The following SKIC3 variants were observed in gnomAD, a reference collection of about 807,000 sequenced individuals.
SKIC3 encodes the protein superkiller complex protein 3.
At chr5:95,500,941 G>A in the SKIC3 span, among the ~76,000 whole-genome samples, 4 of 152,036 alleles carry the variant, frequency 2.6e-5, no homozygotes, top group African/African-American at 9.7e-5. Context: ...TGACAAACAA[G>A]TATCAAATCA....
At chr5:95,543,735 T>C in the SKIC3 span, among the ~76,000 whole-genome samples, 13 of 152,318 alleles carry the variant, frequency 8.5e-5, 1 homozygote, top group African/African-American at 2.9e-4. Context: ...TTCACCATGA[T>C]AGTTTCCCCA....
chr5:95,529,261 C>A, the SKIC3 span: 1 of 719,384 alleles, frequency 1.4e-6, no homozygotes, highest in Non-Finnish European at 2.5e-6. Flanking sequence ...TCATTCCCCA[C>A]CATACATTTT....
chr5:95,472,228 G>A, the SKIC3 span, among the ~76,000 whole-genome samples: 6 of 152,142 alleles, frequency 3.9e-5, no homozygotes, highest in African/African-American at 1.4e-4. Context: ...AACTCTGAGA[G>A]TGTTGCTAAT....
the SKIC3 span, among the ~76,000 whole-genome samples, chr5:95,496,103 C>T: frequency 3.3e-5 from 5 of 151,844 alleles, no homozygotes; most frequent in African/African-American, 9.7e-5. Context: ...CTGCAACCTC[C>T]GCCTCCCGGG....
At chr5:95,529,205 C>T in the SKIC3 span, 1 of 912,320 alleles carries the variant, frequency 1.1e-6, no homozygotes, top group Non-Finnish European at 1.8e-6. Context: ...CTCTTCATCT[C>T]TCATATCTCA....
the SKIC3 span, chr5:95,497,401 G>T: frequency 3.1e-6 from 5 of 1,605,138 alleles, no homozygotes; most frequent in African/African-American, 2.7e-5. Flanking sequence ...GCTAGAATTT[G>T]AAACGTTACT....
chr5:95,523,131 C>T, the SKIC3 span: 5 of 1,582,648 alleles, frequency 3.2e-6, no homozygotes, highest in Non-Finnish European at 4.3e-6. Context: ...TGGTAAGAGA[C>T]AATTAAAATG....
At chr5:95,494,782 C>G in the SKIC3 span, 10 of 1,613,508 alleles carry the variant, frequency 6.2e-6, no homozygotes, top group Admixed American at 5.0e-5. Context: ...CCGCAGTGTA[C>G]AGTAATGCCT....
chr5:95,549,480 T>C, the SKIC3 span, among the ~76,000 whole-genome samples: 1 of 152,062 alleles, frequency 6.6e-6, no homozygotes, highest in African/African-American at 2.4e-5. Context: ...CATTTTTCTC[T>C]TGGTAATCAA....
chr5:95,528,114 T>C, the SKIC3 span: 3 of 1,613,744 alleles, frequency 1.9e-6, no homozygotes, highest in East Asian at 2.2e-5. Flanking sequence ...TGATAAAGAC[T>C]GTTACCAGAC....
the SKIC3 span, among the ~76,000 whole-genome samples, chr5:95,500,248 T>C: frequency 4.6e-5 from 7 of 152,342 alleles, no homozygotes; most frequent in Non-Finnish European, 8.8e-5. Flanking sequence ...AAGCGGAAAT[T>C]CTAGAGTGTA....
At chr5:95,478,301 T>A in the SKIC3 span, 3 of 1,613,888 alleles carry the variant, frequency 1.9e-6, no homozygotes, top group Non-Finnish European at 2.5e-6. Context: ...ATACAGACTT[T>A]TAATGCAAGT....
chr5:95,544,407 G>T, the SKIC3 span, among the ~76,000 whole-genome samples: 3 of 152,138 alleles, frequency 2.0e-5, no homozygotes, highest in East Asian at 1.9e-4. Context: ...TAGTACCAGT[G>T]AGCTTTCTTT....
chr5:95,531,303 T>C, the SKIC3 span, among the ~76,000 whole-genome samples: 8 of 152,150 alleles, frequency 5.3e-5, no homozygotes, highest in Non-Finnish European at 1.2e-4. Flanking sequence ...ATGAAAAGAA[T>C]TAATAATGGC....
At chr5:95,520,838 T>C in the SKIC3 span, 5 of 1,534,072 alleles carry the variant, frequency 3.3e-6, no homozygotes, top group Non-Finnish European at 4.5e-6. Context: ...GGTAAGTTTG[T>C]CACTGTTATT....
the SKIC3 span, among the ~76,000 whole-genome samples, chr5:95,500,777 T>C: frequency 6.6e-6 from 1 of 152,184 alleles, no homozygotes; most frequent in African/African-American, 2.4e-5. Context: ...AATGACCTTA[T>C]ATAACAAATT....
the SKIC3 span, among the ~76,000 whole-genome samples, chr5:95,491,601 C>A: frequency 6.6e-5 from 10 of 152,238 alleles, no homozygotes; most frequent in South Asian, 1.2e-3. Flanking sequence ...TCATCCTTCA[C>A]AGCAGCTTCA....
chr5:95,509,444 C>G, the SKIC3 span: 5 of 675,474 alleles, frequency 7.4e-6, no homozygotes, highest in East Asian at 2.8e-5. Flanking sequence ...CACCCAAGAA[C>G]TGAAGAGGCC....
At chr5:95,543,271 A>C in the SKIC3 span, 5 of 1,614,020 alleles carry the variant, frequency 3.1e-6, no homozygotes, top group Non-Finnish European at 3.4e-6. Context: ...GTTCAGCTGC[A>C]GCAACGCCAA....
Sources: gnomAD v4.1 joint callset for allele counts (sites outside exome capture counted in the v4.1 genomes callset) on GRCh38, gnomAD v4.1.1 for gene constraint, MANE v1.5 for transcripts, NCBI Gene and HGNC (gene_info 2026-07-23, HGNC 2026-07-21) for gene names.